ESRRG: variants seen among roughly 807,000 people sequenced by gnomAD.
ESRRG encodes the protein estrogen related receptor gamma.
Under a neutral mutation model 44.0 loss-of-function variants are expected in ESRRG, and 13 were observed. The ratio of observed to expected loss-of-function variants is 0.30; its 90% CI spans 0.19 to 0.47. The LOEUF (loss-of-function observed/expected upper bound fraction) is 0.47, where lower values mean the gene tolerates loss of function less well. Ranked by LOEUF, ESRRG falls within the 20% of genes least tolerant of loss-of-function variation. The pLI is 1.00. For synonymous variants in ESRRG, 215 were observed against 214.6 expected, an observed-to-expected ratio of 1.00 and a Z score of -0.02; for missense variants, 395 against 580.6, an observed-to-expected ratio of 0.68 and a Z score of 3.29.
At chr1:216,680,236 A>G (rs746098057) in intron 1 of ESRRG, among the ~76,000 whole-genome samples, 3 of 152,202 alleles carry the variant, frequency 2.0e-5, no homozygotes, top group Non-Finnish European at 4.4e-5. Flanking sequence ...TGAGCACTTT[A>G]CAAATATTAC....
At chr1:216,721,518 T>A (rs1203023748) in intron 1 of ESRRG, among the ~76,000 whole-genome samples, 2 of 152,238 alleles carry the variant, frequency 1.3e-5, no homozygotes, top group African/African-American at 4.8e-5. Context: ...AAAAGAAAGC[T>A]AGTTTGAATC....
At chr1:216,874,145 G>A (rs1431976410) in intron 2 of ESRRG, among the ~76,000 whole-genome samples, 1 of 152,032 alleles carries the variant, frequency 6.6e-6, no homozygotes. Flanking sequence ...GTCCACTTCT[G>A]GGTTTCAACT....
chr1:216,614,460 T>C (rs11572727), intron 3 of ESRRG, among the ~76,000 whole-genome samples: 30,106 of 152,156 alleles, frequency 0.2, 3,798 homozygotes, highest in Non-Finnish European at 0.29. Flanking sequence ...TAGCTGAATA[T>C]ATATCTGGTG....
At chr1:216,641,396 C>G (rs2066394650) in intron 3 of ESRRG, among the ~76,000 whole-genome samples, 1 of 152,200 alleles carries the variant, frequency 6.6e-6, no homozygotes, top group African/African-American at 2.4e-5. Flanking sequence ...CATGCAGAAT[C>G]ATGGACAAAT....
chr1:217,129,172 C>A (rs766389853), intron 1 of ESRRG, among the ~76,000 whole-genome samples: 8 of 152,140 alleles, frequency 5.3e-5, no homozygotes, highest in Non-Finnish European at 8.8e-5. Context: ...ATTTAAAAAT[C>A]GTCAAGACTC....
chr1:216,791,902 C>A, intron 2 of ESRRG, among the ~76,000 whole-genome samples: 1 of 152,092 alleles, frequency 6.6e-6, no homozygotes, highest in East Asian at 1.9e-4. Context: ...TGCTGAAATC[C>A]TAGAACCAAC....
chr1:217,021,491 T>C (rs2080320765), intron 1 of ESRRG, among the ~76,000 whole-genome samples: 1 of 152,160 alleles, frequency 6.6e-6, no homozygotes, highest in South Asian at 2.1e-4. Context: ...AAGGCAGATA[T>C]AAAATGCAGG....
chr1:216,608,617 A>C (rs1332963822), intron 3 of ESRRG, among the ~76,000 whole-genome samples: 1 of 152,196 alleles, frequency 6.6e-6, no homozygotes, highest in African/African-American at 2.4e-5. Flanking sequence ...GAGCCCAGAC[A>C]CTGAACTCAG....
chr1:217,111,775 C>T (rs1184407228), intron 1 of ESRRG, among the ~76,000 whole-genome samples: 1 of 152,134 alleles, frequency 6.6e-6, no homozygotes, highest in Non-Finnish European at 1.5e-5. Context: ...CTGATAGTCA[C>T]TGTGAAAAAT....
intron 2 of ESRRG, among the ~76,000 whole-genome samples, chr1:216,746,807 T>C (rs769976513): frequency 1.3e-5 from 2 of 152,202 alleles, no homozygotes; most frequent in Non-Finnish European, 2.9e-5. Context: ...CCAAAAACTG[T>C]CTGTTCATCA....
At position 216,737,946 on chromosome 1, in the gene ESRRG, A is replaced by G. The variant is rs530133335; in HGVS notation, c.-13-60455T>C. Among the ~76,000 whole-genome samples, 188 of 152,072 alleles carry G rather than the reference A, an allele frequency of 1.2e-3. 1 individual carries two copies. The highest frequency in any genetic ancestry group is 2.3e-3 in the Non-Finnish European group (159 of 67,990). On this transcript the variant is annotated intron_variant, in intron 2 of 7. Coordinates refer to the ESRRG transcript ENST00000359162. Reference sequence around the variant, plus strand: ...TGGCTTGTGTTAGATGCCAATCACTAAATGCAAGTGACTTCCAGACCTTCA... The same window carrying G: ...TGGCTTGTGTTAGATGCCAATCACTGAATGCAAGTGACTTCCAGACCTTCA...
chr1:217,063,088 C>T (rs1284463218), intron 1 of ESRRG, among the ~76,000 whole-genome samples: 3 of 152,064 alleles, frequency 2.0e-5, no homozygotes. Context: ...TACCCTTCCC[C>T]TCCTCCTCCT....
At chr1:217,017,729 TA>T (rs2079632623) in intron 1 of ESRRG, among the ~76,000 whole-genome samples, 1 of 152,080 alleles carries the variant, frequency 6.6e-6, no homozygotes, top group African/African-American at 2.4e-5. Context: ...AAAAATTAAT[TA>T]AAATAAAAAA....
At chr1:216,850,080 C>T (rs1339028804) in intron 2 of ESRRG, among the ~76,000 whole-genome samples, 3 of 152,038 alleles carry the variant, frequency 2.0e-5, no homozygotes, top group African/African-American at 7.2e-5. Context: ...TTTTACAGAA[C>T]ATTTATTATG....
At chr1:216,702,371 G>A (rs970954217) in intron 1 of ESRRG, among the ~76,000 whole-genome samples, 11 of 152,002 alleles carry the variant, frequency 7.2e-5, no homozygotes, top group Admixed American at 2.6e-4. Flanking sequence ...CATTTACTAA[G>A]TTTCAGTTCC....
intron 5 of ESRRG, among the ~76,000 whole-genome samples, chr1:216,533,704 G>A (rs939878681): frequency 2.0e-4 from 30 of 152,120 alleles, no homozygotes; most frequent in African/African-American, 7.2e-4. Context: ...ACTAGCGGAT[G>A]TTCCTCTTAA....
chr1:216,806,828 C>T (rs750100477), intron 2 of ESRRG, among the ~76,000 whole-genome samples: 3 of 152,192 alleles, frequency 2.0e-5, no homozygotes, highest in Non-Finnish European at 2.9e-5. Flanking sequence ...ATTCAGGTGT[C>T]AGCTTTCAAT....
chr1:216,973,788 T>C (rs1560320362), intron 1 of ESRRG, among the ~76,000 whole-genome samples: 1 of 148,338 alleles, frequency 6.7e-6, no homozygotes, highest in African/African-American at 2.5e-5. Flanking sequence ...ATAGTGCCAT[T>C]GCACTCCAGT....
chr1:216,781,777 A>T (rs1033354477), intron 2 of ESRRG, among the ~76,000 whole-genome samples: 11 of 152,044 alleles, frequency 7.2e-5, no homozygotes, highest in African/African-American at 2.7e-4. Context: ...GGCAAGCCTT[A>T]CTGTTTAACT....
Sources: gnomAD v4.1 joint callset for allele counts (sites outside exome capture counted in the v4.1 genomes callset) on GRCh38, gnomAD v4.1.1 for gene constraint, MANE v1.5 for transcripts, NCBI Gene and HGNC (gene_info 2026-07-23, HGNC 2026-07-21) for gene names.